MAP2: variants seen among roughly 807,000 people sequenced by gnomAD.
The protein encoded by MAP2 is microtubule-associated protein 2.
Under a neutral mutation model 137.6 loss-of-function variants are expected in MAP2, and 14 were observed. The observed-to-expected ratio is 0.10, with a 90% CI of 0.07 to 0.16. The LOEUF is 0.16. MAP2 is among the 10% of genes least tolerant of loss of function. The probability of loss-of-function intolerance (pLI) is 1.00; values close to 1 mark genes in which losing one functional copy is unlikely to be tolerated. For synonymous variants in MAP2, 786 were observed against 782.3 expected (o/e 1.00, Z -0.08); for missense variants, 2,088 against 2,191.5 (o/e 0.95, Z 0.94).
intron 13 of MAP2, chr2:209,723,681 C>A: frequency 6.2e-7 from 1 of 1,612,924 alleles, no homozygotes; most frequent in Non-Finnish European, 8.5e-7. Context: ...CGGCTGGGGG[C>A]GGAAATGTAA....
intron 3 of MAP2, among the ~76,000 whole-genome samples, chr2:209,581,148 A>G (rs570363423): frequency 1.3e-5 from 2 of 152,190 alleles, no homozygotes; most frequent in African/African-American, 2.4e-5. Flanking sequence ...GGTGAAGGAG[A>G]GTAATACATT....
intron 2 of MAP2, among the ~76,000 whole-genome samples, chr2:209,526,518 T>A (rs981252745): frequency 2.0e-5 from 3 of 151,050 alleles, no homozygotes; most frequent in Non-Finnish European, 4.4e-5. Flanking sequence ...CTTTTTTTTT[T>A]AAAGAGCACT....
intron 3 of MAP2, among the ~76,000 whole-genome samples, chr2:209,603,981 T>C (rs2083815372): frequency 6.6e-6 from 1 of 152,136 alleles, no homozygotes; most frequent in Non-Finnish European, 1.5e-5. Context: ...TCTAGTTAGC[T>C]GAGGATTCTG....
At chr2:209,626,531 C>T (rs191636599) in intron 4 of MAP2, among the ~76,000 whole-genome samples, 55 of 152,324 alleles carry the variant, frequency 3.6e-4, no homozygotes, top group African/African-American at 1.0e-3. Context: ...GTCATCAAAG[C>T]TCTTCTTGCT....
At chr2:209,545,082 A>G (rs1333759026) in intron 2 of MAP2, among the ~76,000 whole-genome samples, 1 of 152,184 alleles carries the variant, frequency 6.6e-6, no homozygotes, top group African/African-American at 2.4e-5. Flanking sequence ...TAGCTATGGG[A>G]TAATAGTAAG....
intron 2 of MAP2, among the ~76,000 whole-genome samples, chr2:209,541,417 T>C (rs186245112): frequency 1.9e-4 from 28 of 151,252 alleles, no homozygotes; most frequent in African/African-American, 6.7e-4. Flanking sequence ...CCGATCAGGG[T>C]GGTGGTTTCT....
rs755761083 is a variant in MAP2 at position 209,653,336 on chromosome 2, G to T, written c.166G>T (p.Gly56Cys). The change falls in exon 5 of 16, where the codon GGT becomes TGT. Residue 56 changes from glycine to cysteine, a missense_variant. Transcript: ENST00000682079. ...ATTCCCATACAGGGAGGATGAAGAGGGTGCCTTTGGAGAGCATGGGTCACA... is the reference window on the plus strand; with the variant it reads ...ATTCCCATACAGGGAGGATGAAGAGTGTGCCTTTGGAGAGCATGGGTCACA... Reference protein sequence around the residue: ...NGFPYREDEEGAFGEHGSQGT... With the variant: ...NGFPYREDEECAFGEHGSQGT... 7 of 1,613,916 alleles carry T rather than the reference G, an allele frequency of 4.3e-6. No individual in the cohort carries two copies. Among genetic ancestry groups the T allele is most frequent in the Non-Finnish European group, 5.1e-6 (6 of 1,179,992 alleles).
chr2:209,625,316 C>T (rs1001004853), intron 4 of MAP2, among the ~76,000 whole-genome samples, 187 bp downstream of exon 4: 2 of 152,206 alleles, frequency 1.3e-5, no homozygotes, highest in East Asian at 1.9e-4. Context: ...TAAAACAGCA[C>T]TTCATAGTGT....
At chr2:209,615,583 A>C (rs2088959192) in intron 3 of MAP2, among the ~76,000 whole-genome samples, 1 of 152,206 alleles carries the variant, frequency 6.6e-6, no homozygotes, top group African/African-American at 2.4e-5. Context: ...AACTTTATGT[A>C]ATCCTTACAA....
chr2:209,676,765 A>C (rs1449175962), intron 5 of MAP2, among the ~76,000 whole-genome samples: 8 of 99,030 alleles, frequency 8.1e-5, no homozygotes, highest in African/African-American at 1.2e-4. Context: ...ATATATATAT[A>C]TATATATCTC....
intron 1 of MAP2, among the ~76,000 whole-genome samples, chr2:209,467,067 A>C (rs1454317233): frequency 6.6e-6 from 1 of 152,176 alleles, no homozygotes; most frequent in Non-Finnish European, 1.5e-5. Context: ...TAAGGAGAAC[A>C]CTTCATGCCC....
At chr2:209,564,241 A>C (rs767018110) in intron 2 of MAP2, among the ~76,000 whole-genome samples, 1 of 152,232 alleles carries the variant, frequency 6.6e-6, no homozygotes, top group African/African-American at 2.4e-5. Flanking sequence ...GATATAATTC[A>C]GTATGCTTTG....
chr2:209,610,038 A>C (rs1333647083), intron 3 of MAP2, among the ~76,000 whole-genome samples: 1 of 152,182 alleles, frequency 6.6e-6, no homozygotes, highest in Non-Finnish European at 1.5e-5. Context: ...ATAAGCTTTT[A>C]TTAAATAATC....
intron 5 of MAP2, chr2:209,661,786 G>A (rs2153635842): frequency 3.2e-6 from 2 of 619,750 alleles, no homozygotes; most frequent in Non-Finnish European, 4.0e-6. Flanking sequence ...TTGATGAATA[G>A]GATTTGAACC....
In MAP2 at chr2:209,492,089, T is replaced by C. The variant is rs146672175; in HGVS notation, c.-221-15503T>C. On this transcript the variant is annotated intron_variant, in intron 1 of 15. Transcript: ENST00000682079. Reference sequence around the variant, plus strand: ...AATCCAGCAGCACATCAAAAACTTATCGACTATGATCAAGTTGGCTTCATC... The same window carrying C: ...AATCCAGCAGCACATCAAAAACTTACCGACTATGATCAAGTTGGCTTCATC... Among the ~76,000 whole-genome samples, 83 of 152,276 alleles carry C rather than the reference T, an allele frequency of 5.5e-4. 1 individual carries two copies. Among genetic ancestry groups the C allele is most frequent in the East Asian group, 2.9e-3 (15 of 5,176 alleles).
At chr2:209,640,340 A>G (rs1046185328) in intron 4 of MAP2, among the ~76,000 whole-genome samples, 1 of 152,102 alleles carries the variant, frequency 6.6e-6, no homozygotes, top group Non-Finnish European at 1.5e-5. Flanking sequence ...CTGTCCATTA[A>G]TTTTTTAAAT....
At chr2:209,683,429 C>G (rs563197590) in intron 7 of MAP2, among the ~76,000 whole-genome samples, 1 of 152,248 alleles carries the variant, frequency 6.6e-6, no homozygotes, top group Non-Finnish European at 1.5e-5. Flanking sequence ...TTTATAAACT[C>G]TATCTCTATA....
At chr2:209,493,155 A>T (rs968313879) in intron 1 of MAP2, among the ~76,000 whole-genome samples, 1 of 152,212 alleles carries the variant, frequency 6.6e-6, no homozygotes, top group African/African-American at 2.4e-5. Flanking sequence ...TCTTTGACAA[A>T]TGTGACAAAA....
intron 1 of MAP2, among the ~76,000 whole-genome samples, chr2:209,454,332 A>G (rs1056145285): frequency 1.3e-5 from 2 of 152,000 alleles, no homozygotes; most frequent in African/African-American, 4.8e-5. Flanking sequence ...ATATTCACTG[A>G]ATACTGAATA....
Sources: allele counts gnomAD v4.1 joint callset (sites outside exome capture counted in the v4.1 genomes callset), GRCh38; gene constraint gnomAD v4.1.1; transcripts MANE v1.5; gene names NCBI Gene and HGNC (gene_info 2026-07-23, HGNC 2026-07-21).